The following WDHD1 variants were observed in gnomAD, a reference collection of about 807,000 sequenced individuals.
WDHD1 encodes the protein WD repeat and HMG-box DNA binding protein 1, also known as WD repeat and HMG-box DNA-binding protein 1.
A neutral mutation model predicts 135.4 loss-of-function variants in WDHD1; 111 were observed. That is an observed-to-expected ratio of 0.82 (90% CI 0.70 to 0.96). The LOEUF (loss-of-function observed/expected upper bound fraction) is 0.96. Among genes scored for constraint, WDHD1 ranks in the 40% least tolerant of loss-of-function variants. The pLI, the probability that WDHD1 is intolerant of heterozygous loss-of-function variation, is 0.00. For missense variants in WDHD1, 1,351 were observed against 1,336.3 expected (o/e 1.01, Z -0.17); for synonymous variants, 434 against 439.0 (o/e 0.99, Z 0.14).
chr14:55,015,672 AG>A (rs2042249252), intron 2 of WDHD1, among the ~76,000 whole-genome samples: 1 of 152,054 alleles, frequency 6.6e-6, no homozygotes, highest in Admixed American at 6.6e-5. Context: ...TGATGAGAGA[AG>A]TATTTCACGT....
intron 14 of WDHD1, among the ~76,000 whole-genome samples, chr14:54,986,717 G>T (rs8019354): frequency 6.6e-6 from 1 of 152,064 alleles, no homozygotes; most frequent in African/African-American, 2.4e-5. Flanking sequence ...AGAGATTATC[G>T]GTTACCTTGA....
chr14:55,008,860 G>C (rs2042117653), intron 4 of WDHD1, 141 bp from the exon 5 acceptor site: 1 of 610,686 alleles, frequency 1.6e-6, no homozygotes, highest in African/African-American at 1.9e-5. Context: ...GAGTGCAGTG[G>C]TGCGATCTCA....
intron 16 of WDHD1, among the ~76,000 whole-genome samples, chr14:54,977,731 C>T (rs2041548729): frequency 6.6e-6 from 1 of 151,988 alleles, no homozygotes; most frequent in Non-Finnish European, 1.5e-5. Context: ...CTAGTATAGA[C>T]GGTTTCTAAA....
At chr14:54,968,616 C>A (rs2041382533) in intron 16 of WDHD1, among the ~76,000 whole-genome samples, 1 of 151,990 alleles carries the variant, frequency 6.6e-6, no homozygotes, top group African/African-American at 2.4e-5. Context: ...AAACTCCTAG[C>A]TAGATTAACA....
chr14:54,993,400 G>A (rs916828617), intron 11 of WDHD1, among the ~76,000 whole-genome samples: 2 of 152,154 alleles, frequency 1.3e-5, no homozygotes, highest in Non-Finnish European at 2.9e-5. Context: ...GATTACAGGT[G>A]AGAGCCACCA....
rs190381078 is a variant in WDHD1, at chr14:54,940,317, G to A, written c.*1173C>T. On this transcript the variant is annotated 3_prime_UTR_variant, in exon 26 of 26. Coordinates refer to ENST00000360586, the MANE Select transcript of WDHD1 (RefSeq NM_007086.4). ...TTTGGAATCTGTGCTCATAACCACT[G>A]TGCTATAATGTCTCTGATAGCAGCT... is the stretch of plus-strand genomic sequence containing the variant. 2 of 152,284 alleles carry A rather than the reference G, an allele frequency of 1.3e-5. No homozygotes were observed. Among genetic ancestry groups the A allele is most frequent in the Admixed American group, 6.5e-5 (1 of 15,282 alleles). 9.4% of individuals were successfully genotyped at this position (152,284 alleles called of 1,614,324 possible).
rs60609405 is a variant in WDHD1, at chr14:55,015,379, CAAAAAAAAAAA to C, written c.78-1794_78-1784del. Among the ~76,000 whole-genome samples the C allele has an allele frequency of 2.3e-3, 125 of 54,460 alleles. 3 individuals are homozygous for C. The East Asian group carries it at 0.067, about 29-fold the overall frequency. The allele number at this position is 54,460 out of a possible 152,430, so 35.7% of individuals were successfully genotyped here. A position where few individuals can be genotyped will look rare whatever the true frequency, so the allele number is the denominator to read the frequency against. ...CCTGGGAAACAGCATGACACTGTCT[CAAAAAAAAAAA>C]AAAAAAAAAAAAAAAGGCTAGGGTG... On this transcript the variant is annotated intron_variant, in intron 2 of 25. Coordinates refer to ENST00000360586, the MANE Select transcript of WDHD1 (RefSeq NM_007086.4).
chr14:54,963,799 CAAAAAAAAAAAAA>C (rs34281869), intron 18 of WDHD1, among the ~76,000 whole-genome samples: 6 of 83,018 alleles, frequency 7.2e-5, no homozygotes, highest in Non-Finnish European at 9.7e-5. Context: ...GACTCTGTCT[CAAAAAAAAAAAAA>C]AAAAAAAAAA....
intron 2 of WDHD1, among the ~76,000 whole-genome samples, chr14:55,024,704 C>A (rs28719727): frequency 2.7e-5 from 4 of 147,298 alleles, no homozygotes; most frequent in African/African-American, 1.0e-4. Flanking sequence ...CTCTCTGAAA[C>A]GTGTGCTGTG....
chr14:55,013,235 TG>T (rs2140226584), intron 3 of WDHD1, among the ~76,000 whole-genome samples: 1 of 144,758 alleles, frequency 6.9e-6, no homozygotes, highest in South Asian at 2.2e-4. Flanking sequence ...GGGCAAGTTA[TG>T]GCATTATCAT....
At chr14:54,993,888 T>A (rs1275146775) in intron 11 of WDHD1, among the ~76,000 whole-genome samples, 2 of 152,250 alleles carry the variant, frequency 1.3e-5, no homozygotes, top group Non-Finnish European at 2.9e-5. Flanking sequence ...TCTGTATAAA[T>A]AAATGCTCTC....
chr14:54,956,052 C>G (rs748039498), intron 23 of WDHD1, among the ~76,000 whole-genome samples: 1 of 151,840 alleles, frequency 6.6e-6, no homozygotes, highest in Non-Finnish European at 1.5e-5. Flanking sequence ...CACCTGCCAC[C>G]GCGGCTGGCC....
chr14:54,980,397 T>G (rs1262888069), intron 16 of WDHD1, among the ~76,000 whole-genome samples: 2 of 152,118 alleles, frequency 1.3e-5, no homozygotes, highest in Non-Finnish European at 2.9e-5. Flanking sequence ...CACTAATTTC[T>G]GAACATTTTC....
intron 17 of WDHD1, 127 bp downstream of exon 17, chr14:54,967,153 C>T: frequency 1.3e-6 from 1 of 750,712 alleles, no homozygotes; most frequent in African/African-American, 1.8e-5. Flanking sequence ...TCCCTCCCTG[C>T]TACCCCTATT....
At chr14:55,019,791 C>A (rs1043091568) in intron 2 of WDHD1, among the ~76,000 whole-genome samples, 13 of 152,182 alleles carry the variant, frequency 8.5e-5, no homozygotes, top group African/African-American at 1.2e-4. Context: ...ATCACTTGAA[C>A]CCAGGAGGCA....
Position 54,987,109 on chromosome 14 carries a change from T to G in WDHD1, c.1768+37A>C, listed in dbSNP as rs748423622. On this transcript the variant is annotated intron_variant, in intron 14 of 25. Coordinates refer to ENST00000360586, the MANE Select transcript of WDHD1 (RefSeq NM_007086.4). ...AGCAAAAAAGCTCAAGTAATTTCCA[T>G]TTTACTTCAAGTCATAAAAGACTGA... 1.2e-5 allele frequency: 19 copies of G among 1,601,598 alleles called. No homozygotes were observed. In the South Asian group the frequency reaches 2.1e-4, roughly 18 times the overall value.
At chr14:55,011,702 A>G (rs1458259538) in intron 3 of WDHD1, among the ~76,000 whole-genome samples, 2 of 151,824 alleles carry the variant, frequency 1.3e-5, no homozygotes, top group African/African-American at 2.4e-5. Context: ...AGATTACACT[A>G]TATTAACTGT....
chr14:54,980,095 C>T (rs2041592529), intron 16 of WDHD1, among the ~76,000 whole-genome samples: 1 of 151,980 alleles, frequency 6.6e-6, no homozygotes, highest in Non-Finnish European at 1.5e-5. Flanking sequence ...GAGGCCGAGG[C>T]GGGAAGATCC....
At chr14:54,991,184 A>G (rs1450227712) in intron 12 of WDHD1, 29 bp downstream of exon 12, 2 of 1,290,658 alleles carry the variant, frequency 1.5e-6, no homozygotes, top group Non-Finnish European at 2.2e-6. Flanking sequence ...AAAACCTACT[A>G]AGAAGTTAAG....
Sources: allele counts gnomAD v4.1 joint callset (sites outside exome capture counted in the v4.1 genomes callset), GRCh38; gene constraint gnomAD v4.1.1; transcripts MANE v1.5; gene names NCBI Gene and HGNC (gene_info 2026-07-23, HGNC 2026-07-21).